KBTBD12: variants seen among roughly 807,000 people sequenced by gnomAD.
KBTBD12 encodes kelch repeat and BTB domain containing 12, also known as kelch repeat and BTB domain-containing protein 12.
KBTBD12 carries 53 observed loss-of-function variants against 58.7 expected under a neutral mutation model. The observed-to-expected ratio is 0.90, with a 90% CI of 0.72 to 1.14. The LOEUF (loss-of-function observed/expected upper bound fraction) is 1.14. Ranked by LOEUF, KBTBD12 falls within the 50% of genes most tolerant of loss-of-function variation. The pLI, the probability that KBTBD12 is intolerant of heterozygous loss-of-function variation, is 0.00. For missense variants in KBTBD12, 704 were observed against 751.3 expected, an observed-to-expected ratio of 0.94 and a Z score of 0.74; for synonymous variants, 236 against 259.8, an observed-to-expected ratio of 0.91 and a Z score of 0.88.
rs1171666225 is a variant in KBTBD12, at chr3:127,985,657, C to T, written c.*1379C>T. ...ACCAGGCAGGACAGGCAGGTCTTGCCAAAACTGGAGCCTGTTGGAAACCTA... is the reference window on the plus strand; with the variant it reads ...ACCAGGCAGGACAGGCAGGTCTTGCTAAAACTGGAGCCTGTTGGAAACCTA... On this transcript the variant is annotated 3_prime_UTR_variant, in exon 6 of 6. Coordinates refer to ENST00000405109, the MANE Select transcript of KBTBD12 (RefSeq NM_207335.4). 1 of 152,282 alleles carries T rather than the reference C, an allele frequency of 6.6e-6. No individual in the cohort carries two copies. Among genetic ancestry groups the T allele is most frequent in the African/African-American group, 2.4e-5 (1 of 41,426 alleles). The allele number at this position is 152,282 out of a possible 1,614,324, so 9.4% of individuals were successfully genotyped here. A position where few individuals can be genotyped will look rare whatever the true frequency, so the allele number is the denominator to read the frequency against.
chr3:127,955,891 G>C (rs924830357), intron 4 of KBTBD12, among the ~76,000 whole-genome samples: 1 of 152,192 alleles, frequency 6.6e-6, no homozygotes, highest in Non-Finnish European at 1.5e-5. Flanking sequence ...GTTGGATAAA[G>C]TTACTTGCTC....
intron 4 of KBTBD12, among the ~76,000 whole-genome samples, chr3:127,950,403 AG>A (rs954494399): frequency 6.6e-6 from 1 of 152,228 alleles, no homozygotes; most frequent in Admixed American, 6.5e-5. Context: ...TTGGCCTCTC[AG>A]AATTGATGGG....
intron 4 of KBTBD12, among the ~76,000 whole-genome samples, chr3:127,959,165 C>CATT (rs1177995200): frequency 6.6e-6 from 1 of 152,176 alleles, no homozygotes; most frequent in Non-Finnish European, 1.5e-5. Flanking sequence ...TCATCACAAG[C>CATT]ATTATATTAG....
At chr3:127,977,706 C>T (rs1940806395) in intron 5 of KBTBD12, among the ~76,000 whole-genome samples, 1 of 152,080 alleles carries the variant, frequency 6.6e-6, no homozygotes, top group Admixed American at 6.5e-5. Context: ...TATTTAAGTT[C>T]CTTATAGATT....
chr3:127,918,775 T>C (rs1044793318), intron 1 of KBTBD12, among the ~76,000 whole-genome samples: 5 of 151,612 alleles, frequency 3.3e-5, no homozygotes, highest in African/African-American at 1.2e-4. Context: ...GTTAGAACTG[T>C]AGTAGTTTGG....
intron 4 of KBTBD12, 35 bp from the exon 5 acceptor site, chr3:127,963,154 C>A: frequency 6.5e-7 from 1 of 1,539,680 alleles, no homozygotes. Context: ...GTTTCAGTTC[C>A]TGATCCTCTC....
chr3:127,923,669 A>T lies in KBTBD12; in HGVS notation c.608A>T (p.Asn203Ile), dbSNP rs1939485894. The T allele has an allele frequency of 2.5e-6, 4 of 1,613,728 alleles. No individual in the cohort carries two copies. In the South Asian group the frequency reaches 4.4e-5, roughly 18 times the overall value. ...SILDLVLRWV[N>I]HNKELRTVHL... The stretch of plus-strand genomic sequence containing the variant: ...CTGGACTTAGTTCTGAGATGGGTAA[A>T]TCATAACAAAGAATTGCGTACAGTG... The change falls in exon 2 of 6, where the codon AAT becomes ATT. Residue 203 changes from asparagine (N) to isoleucine (I), a missense_variant. By Grantham distance (149) the Asn-to-Ile change is moderately radical. Coordinates refer to ENST00000405109, the MANE Select transcript of KBTBD12 (RefSeq NM_207335.4).
chr3:127,922,537 T>G (rs1939438749), intron 1 of KBTBD12, among the ~76,000 whole-genome samples: 1 of 152,144 alleles, frequency 6.6e-6, no homozygotes, highest in African/African-American at 2.4e-5. Flanking sequence ...GTTCGGTGTA[T>G]TTTTTGGAGG....
Position 127,923,044 on chromosome 3 carries a change from A to C in KBTBD12, c.-18A>C. 1 of 1,481,948 alleles carries C rather than the reference A, an allele frequency of 6.7e-7. No individual in the cohort carries two copies. Among genetic ancestry groups the C allele is most frequent in the Non-Finnish European group, 9.3e-7 (1 of 1,069,578 alleles). 91.8% of individuals were successfully genotyped at this position (1,481,948 alleles called of 1,614,324 possible). A position where few individuals can be genotyped will look rare whatever the true frequency, so the allele number is the denominator to read the frequency against. On this transcript the variant is annotated 5_prime_UTR_variant, in exon 2 of 6. Transcript: ENST00000405109. ...TACACTTAAAGAAGACTTAGTTGGA[A>C]ACTTTGGAGAGTAGATCATGGAGTG...
intron 1 of KBTBD12, among the ~76,000 whole-genome samples, chr3:127,918,570 G>A (rs1023748838): frequency 6.6e-6 from 1 of 152,138 alleles, no homozygotes; most frequent in African/African-American, 2.4e-5. Flanking sequence ...AAATTAGCTG[G>A]GGGTGGTGGC....
At chr3:127,933,222 T>G (rs530226130) in intron 4 of KBTBD12, among the ~76,000 whole-genome samples, 1 of 152,342 alleles carries the variant, frequency 6.6e-6, no homozygotes, top group South Asian at 2.1e-4. Flanking sequence ...GAAGTAAGAC[T>G]TCAGGCAGTC....
At chr3:127,963,437 C>G in intron 5 of KBTBD12, 51 bp downstream of exon 5, 1 of 1,437,424 alleles carries the variant, frequency 7.0e-7, no homozygotes, top group Non-Finnish European at 9.4e-7. Flanking sequence ...GTTGATTTGA[C>G]TTTCTTTAAC....
At chr3:127,974,757 G>T (rs1328937422) in intron 5 of KBTBD12, among the ~76,000 whole-genome samples, 1 of 152,290 alleles carries the variant, frequency 6.6e-6, no homozygotes, top group East Asian at 1.9e-4. Flanking sequence ...GGAGGCCGAG[G>T]CTGGGGGAAC....
At chr3:127,936,447 T>C (rs1939833751) in intron 4 of KBTBD12, among the ~76,000 whole-genome samples, 3 of 151,996 alleles carry the variant, frequency 2.0e-5, no homozygotes, top group African/African-American at 7.2e-5. Context: ...CAAGAATTGA[T>C]AGGATTAGAC....
At chr3:127,934,278 A>C (rs1304847832) in intron 4 of KBTBD12, among the ~76,000 whole-genome samples, 2 of 152,206 alleles carry the variant, frequency 1.3e-5, no homozygotes. Flanking sequence ...AACCAGTGGA[A>C]ATGTTAAACT....
At chr3:127,934,382 T>C (rs1006540196) in intron 4 of KBTBD12, among the ~76,000 whole-genome samples, 4 of 152,114 alleles carry the variant, frequency 2.6e-5, no homozygotes, top group Admixed American at 2.0e-4. Flanking sequence ...TTGAAATCTA[T>C]AGAGATTATA....
In KBTBD12 at chr3:127,923,897, G is replaced by A; in HGVS notation, c.836G>A (p.Cys279Tyr). ...YGMETTSLLL[C>Y]IGNNSSGIRS... Reference sequence around the variant, plus strand: ...ATGGAGACTACCAGTCTTCTGCTTTGCATTGGCAACAATTCTTCAGGAATC... The same window carrying A: ...ATGGAGACTACCAGTCTTCTGCTTTACATTGGCAACAATTCTTCAGGAATC... Residue 279 changes from cysteine (C) to tyrosine (Y), a missense_variant, in exon 2 of 6, where the codon TGC becomes TAC. Cys to Tyr is a radical substitution (Grantham distance 194). Coordinates refer to ENST00000405109, the MANE Select transcript of KBTBD12 (RefSeq NM_207335.4). 5 of 1,613,896 alleles carry A rather than the reference G, an allele frequency of 3.1e-6. No individual in the cohort carries two copies. The highest frequency in any genetic ancestry group is 4.2e-6 in the Non-Finnish European group (5 of 1,179,828).
intron 5 of KBTBD12, among the ~76,000 whole-genome samples, chr3:127,964,163 C>T (rs1223965696): frequency 6.6e-6 from 1 of 152,060 alleles, no homozygotes; most frequent in African/African-American, 2.4e-5. Flanking sequence ...TTAAAAATGA[C>T]TAACTTGAAT....
chr3:127,947,114 A>G (rs1940100388), intron 4 of KBTBD12, among the ~76,000 whole-genome samples: 1 of 151,662 alleles, frequency 6.6e-6, no homozygotes, highest in Admixed American at 6.6e-5. Context: ...TGCTTCTGTT[A>G]TGTTTTTTTC....
Sources: allele counts gnomAD v4.1 joint callset (sites outside exome capture counted in the v4.1 genomes callset), GRCh38; gene constraint gnomAD v4.1.1; transcripts MANE v1.5; gene names NCBI Gene and HGNC (gene_info 2026-07-23, HGNC 2026-07-21).